The following DNAJC1 variants were observed in gnomAD, a reference collection of about 807,000 sequenced individuals.
The protein encoded by DNAJC1 is dnaJ homolog subfamily C member 1.
A neutral mutation model predicts 76.6 loss-of-function variants in DNAJC1; 58 were observed. That is an observed-to-expected ratio of 0.76 (90% CI 0.61 to 0.94). The LOEUF is 0.94. Ranked by LOEUF, DNAJC1 falls within the 40% of genes least tolerant of loss-of-function variation. DNAJC1 has a pLI of 0.00. For synonymous variants in DNAJC1, 258 were observed against 267.9 expected (o/e 0.96, Z 0.36); for missense variants, 689 against 677.3 (o/e 1.02, Z -0.19).
rs573558324 is a variant in DNAJC1, at chr10:21,853,522, C to T, written c.978+28760G>A. On this transcript the variant is annotated intron_variant, in intron 8 of 11. Coordinates refer to ENST00000376980, the MANE Select transcript of DNAJC1 (RefSeq NM_022365.4). ...CTTTGGCCTCCCTGACCTTTTATTT[C>T]GGTAAAAAAAGTTATTTCCTCAATA... Among the ~76,000 whole-genome samples the T allele has an allele frequency of 5.9e-5, 9 of 151,970 alleles. 1 individual carries two copies. Among genetic ancestry groups the T allele is most frequent in the Admixed American group, 2.0e-4 (3 of 15,272 alleles).
intron 1 of DNAJC1, among the ~76,000 whole-genome samples, chr10:21,999,696 A>G (rs1008315396): frequency 6.7e-6 from 1 of 150,352 alleles, no homozygotes; most frequent in South Asian, 2.1e-4. Context: ...CTCGTGATCC[A>G]CCCGCCTCAG....
At chr10:21,998,518 C>G (rs1192433342) in intron 1 of DNAJC1, among the ~76,000 whole-genome samples, 1 of 151,806 alleles carries the variant, frequency 6.6e-6, no homozygotes, top group Non-Finnish European at 1.5e-5. Context: ...AAGATGGTAA[C>G]GAAAGATCTT....
intron 7 of DNAJC1, among the ~76,000 whole-genome samples, chr10:21,892,211 C>A (rs1185390197): frequency 2.0e-5 from 3 of 151,018 alleles, no homozygotes; most frequent in African/African-American, 7.3e-5. Context: ...AAATGTTGAG[C>A]CACAGGGAGG....
intron 3 of DNAJC1, among the ~76,000 whole-genome samples, chr10:21,923,611 T>C (rs185299323): frequency 6.6e-6 from 1 of 152,076 alleles, no homozygotes; most frequent in Non-Finnish European, 1.5e-5. Context: ...ATATCACTAA[T>C]GCTAAAAATC....
At chr10:21,766,131 A>G in intron 10 of DNAJC1, 130 bp downstream of exon 10, 1 of 724,650 alleles carries the variant, frequency 1.4e-6, no homozygotes. Flanking sequence ...CCCTTTTTGG[A>G]GATATGACCA....
At chr10:21,973,993 T>C (rs1002770780) in intron 1 of DNAJC1, among the ~76,000 whole-genome samples, 2 of 151,092 alleles carry the variant, frequency 1.3e-5, no homozygotes, top group Non-Finnish European at 1.5e-5. Context: ...TCCCAGCTAC[T>C]TGGGAGGCTG....
chr10:21,775,728 A>T (rs899479490), intron 9 of DNAJC1, among the ~76,000 whole-genome samples: 2 of 152,096 alleles, frequency 1.3e-5, no homozygotes, highest in Non-Finnish European at 2.9e-5. Context: ...TTCTATTTTT[A>T]TATCATGTGC....
In DNAJC1 at chr10:21,792,814, T is replaced by C. The variant is rs1435852164; in HGVS notation, c.1098+13166A>G. Among the ~76,000 whole-genome samples the C allele has an allele frequency of 3.3e-5, 5 of 149,790 alleles. 1 individual carries two copies. The highest frequency in any genetic ancestry group is 4.9e-5 in the African/African-American group (2 of 40,558). On this transcript the variant is annotated intron_variant, in intron 9 of 11. Coordinates refer to ENST00000376980, the MANE Select transcript of DNAJC1 (RefSeq NM_022365.4). Reference sequence around the variant, plus strand: ...AATCCAGCACCATATAAAATGTATATACAACATGATCAAGTGGGAATGTAA... The same window carrying C: ...AATCCAGCACCATATAAAATGTATACACAACATGATCAAGTGGGAATGTAA...
At chr10:21,983,965 A>G (rs1838198200) in intron 1 of DNAJC1, among the ~76,000 whole-genome samples, 1 of 152,168 alleles carries the variant, frequency 6.6e-6, no homozygotes, top group Non-Finnish European at 1.5e-5. Flanking sequence ...AAAAACAAAA[A>G]AGCAGTTTAC....
At chr10:21,863,642 C>T (rs1231193329) in intron 8 of DNAJC1, among the ~76,000 whole-genome samples, 1 of 152,022 alleles carries the variant, frequency 6.6e-6, no homozygotes, top group Non-Finnish European at 1.5e-5. Context: ...AAGGCTAATA[C>T]ATAATGACCA....
In DNAJC1 at chr10:21,929,024, A is replaced by G; in HGVS notation, c.324+16T>C. On this transcript the variant is annotated intron_variant, in intron 2 of 11. Transcript: ENST00000376980. ...ATTTGTCACAAAATATATATATAAT[A>G]GCATATTTCACTTACTTGTCTAAAC... The G allele has an allele frequency of 6.8e-7, 1 of 1,461,236 alleles. No individual in the cohort carries two copies. Among genetic ancestry groups the G allele is most frequent in the Non-Finnish European group, 9.5e-7 (1 of 1,051,768 alleles). 90.5% of individuals were successfully genotyped at this position (1,461,236 alleles called of 1,614,324 possible).
chr10:21,771,622 C>A (rs566056120), intron 9 of DNAJC1, among the ~76,000 whole-genome samples: 1 of 152,130 alleles, frequency 6.6e-6, no homozygotes. Flanking sequence ...CTCAGCCTCC[C>A]GAGTAGCTGG....
intron 9 of DNAJC1, among the ~76,000 whole-genome samples, chr10:21,787,896 C>T (rs140787310): frequency 6.6e-6 from 1 of 152,336 alleles, no homozygotes; most frequent in Non-Finnish European, 1.5e-5. Flanking sequence ...CCCGCTGTGG[C>T]CTGCATGGCC....
In DNAJC1 at chr10:21,920,959, C is replaced by T. The variant is rs1837033806; in HGVS notation, c.376G>A (p.Asp126Asn). The T allele has an allele frequency of 2.5e-6, 4 of 1,604,912 alleles. No individual in the cohort carries two copies. Among genetic ancestry groups the T allele is most frequent in the Non-Finnish European group, 3.4e-6 (4 of 1,174,950 alleles). ...LKDDERRQRY[D>N]DILINGLPDW... ...GGAAGTCCATTGATCAGAATATCAT[C>T]ATACCTACAGTACAAATATAACAGT... is the stretch of plus-strand genomic sequence containing the variant. The change falls in exon 4 of 12, where the codon GAT becomes AAT. Residue 126 changes from aspartate to asparagine, a missense_variant. Transcript: ENST00000376980.
In DNAJC1 at chr10:21,906,355, A is replaced by AC. The variant is rs964573404; in HGVS notation, c.730-1744dup. 6.7e-4 allele frequency among the ~76,000 whole-genome samples: 102 copies of AC among 151,296 alleles called. 1 individual carries two copies. The highest frequency in any genetic ancestry group is 2.4e-3 in the African/African-American group (100 of 41,108). ...GGTTTTATAGCCCTTAACATTCCCCACCCCCCTTAAAAAAAGTCAACCCTA... is the reference window on the plus strand; with the variant it reads ...GGTTTTATAGCCCTTAACATTCCCCACCCCCCCTTAAAAAAAGTCAACCCTA... On this transcript the variant is annotated intron_variant, in intron 6 of 11. Transcript: ENST00000376980.
chr10:21,921,216 T>C (rs1837037621), intron 3 of DNAJC1, among the ~76,000 whole-genome samples: 1 of 151,916 alleles, frequency 6.6e-6, no homozygotes, highest in African/African-American at 2.4e-5. Flanking sequence ...CACCCAAAGA[T>C]GTGACTCCTG....
intron 8 of DNAJC1, among the ~76,000 whole-genome samples, chr10:21,871,218 T>C (rs1237304265): frequency 6.6e-6 from 1 of 152,022 alleles, no homozygotes; most frequent in East Asian, 1.9e-4. Context: ...GCATGAAATG[T>C]TGACATTCCT....
intron 8 of DNAJC1, among the ~76,000 whole-genome samples, chr10:21,813,150 GTC>G (rs1179588600): frequency 4.5e-5 from 3 of 66,130 alleles, no homozygotes; most frequent in Non-Finnish European, 8.5e-5. Flanking sequence ...TGGGTTACTT[GTC>G]TCTCTCTCTC....
chr10:21,770,260 T>C (rs889538416), intron 9 of DNAJC1, among the ~76,000 whole-genome samples: 1 of 152,226 alleles, frequency 6.6e-6, no homozygotes, highest in Admixed American at 6.5e-5. Context: ...TAATGACTGA[T>C]GCTGAGCATT....
Sources: allele counts gnomAD v4.1 joint callset (sites outside exome capture counted in the v4.1 genomes callset), GRCh38; gene constraint gnomAD v4.1.1; transcripts MANE v1.5; gene names NCBI Gene and HGNC (gene_info 2026-07-23, HGNC 2026-07-21).